The following MAP3K7CL variants were observed in gnomAD, a reference collection of about 807,000 sequenced individuals.
The protein encoded by MAP3K7CL is MAP3K7 C-terminal-like protein.
MAP3K7CL carries 16 observed loss-of-function variants against 18.6 expected under a neutral mutation model. That is an observed-to-expected ratio of 0.86 (90% CI 0.58 to 1.31). The LOEUF is 1.31. MAP3K7CL is among the 50% of genes most tolerant of loss of function. The pLI is 0.00. For missense variants in MAP3K7CL, 163 were observed against 174.4 expected (o/e 0.93, Z 0.37); for synonymous variants, 65 against 66.8 (o/e 0.97, Z 0.13).
intron 4 of MAP3K7CL, among the ~76,000 whole-genome samples, chr21:29,121,851 C>A (rs1024483304): frequency 3.3e-5 from 5 of 151,702 alleles, no homozygotes; most frequent in Admixed American, 3.3e-4. Context: ...GAGAGACCAA[C>A]ATTTATGAAC....
At chr21:29,109,461 T>C in intron 4 of MAP3K7CL, 2 of 1,177,700 alleles carry the variant, frequency 1.7e-6, no homozygotes, top group Non-Finnish European at 2.1e-6. Flanking sequence ...AAAACCCCCA[T>C]CTCAGCATTC....
upstream of MAP3K7CL, chr21:29,130,442 A>G (rs1601208174): frequency 3.4e-6 from 1 of 296,034 alleles, no homozygotes; most frequent in African/African-American, 2.3e-5. Flanking sequence ...GAGTCATGCT[A>G]TCTTTGCCAG....
intron 4 of MAP3K7CL, chr21:29,122,300 G>C (rs370809154): frequency 1.3e-5 from 2 of 152,204 alleles, no homozygotes; most frequent in Non-Finnish European, 2.9e-5. Flanking sequence ...ATCTGGGGGG[G>C]TACCCGTGAC....
At chr21:29,103,610 C>T (rs1383600560) in intron 4 of MAP3K7CL, among the ~76,000 whole-genome samples, 1 of 152,070 alleles carries the variant, frequency 6.6e-6, no homozygotes, top group African/African-American at 2.4e-5. Flanking sequence ...TGGCATGCTC[C>T]TGTAGTCCAG....
intron 1 of MAP3K7CL, among the ~76,000 whole-genome samples, chr21:29,091,316 T>A (rs1039966732): frequency 6.6e-6 from 1 of 152,218 alleles, no homozygotes; most frequent in Admixed American, 6.5e-5. Flanking sequence ...GTGTTCCCTC[T>A]AAGAGACTGT....
Position 29,161,562 on chromosome 21 carries a change from T to G in MAP3K7CL, c.248+1506T>G, listed in dbSNP as rs1010129142. ...ATTATTATTTTCATTAATATAGATA[T>G]GAAATTTCATAAAGGAATTAAAGAT... is the stretch of plus-strand genomic sequence containing the variant. On this transcript the variant is annotated intron_variant, in intron 4 of 4. Transcript: ENST00000399928. 2.6e-5 allele frequency among the ~76,000 whole-genome samples: 4 copies of G among 152,146 alleles called. 1 individual carries two copies. The highest frequency in any genetic ancestry group is 2.0e-4 in the Admixed American group (3 of 15,278).
chr21:29,169,144 G>T (rs2087762166), intron 4 of MAP3K7CL, among the ~76,000 whole-genome samples: 1 of 152,222 alleles, frequency 6.6e-6, no homozygotes, highest in Non-Finnish European at 1.5e-5. Context: ...CAACGCCAAT[G>T]TATAGACAGT....
At chr21:29,109,642 T>C in intron 4 of MAP3K7CL, 5 of 990,724 alleles carry the variant, frequency 5.0e-6, no homozygotes, top group Non-Finnish European at 6.0e-6. Context: ...TAATGATGAA[T>C]GTCTATAAGT....
chr21:29,093,161 C>T (rs910706124), intron 4 of MAP3K7CL, among the ~76,000 whole-genome samples: 1 of 152,232 alleles, frequency 6.6e-6, no homozygotes, highest in African/African-American at 2.4e-5. Context: ...GCCTCGTCCT[C>T]CCAAAGTGCT....
At chr21:29,122,532 G>C (rs1186559640) in intron 4 of MAP3K7CL, among the ~76,000 whole-genome samples, 1 of 152,206 alleles carries the variant, frequency 6.6e-6, no homozygotes, top group Non-Finnish European at 1.5e-5. Flanking sequence ...GCTGGAAAGG[G>C]GATGGAGCGG....
chr21:29,141,569 T>A (rs1409792507), intron 2 of MAP3K7CL, among the ~76,000 whole-genome samples: 1 of 152,176 alleles, frequency 6.6e-6, no homozygotes. Context: ...AGTCTCTTTT[T>A]TGCATAGCAA....
intron 2 of MAP3K7CL, among the ~76,000 whole-genome samples, chr21:29,137,426 C>T (rs943302077): frequency 6.6e-6 from 1 of 152,066 alleles, no homozygotes; most frequent in Non-Finnish European, 1.5e-5. Flanking sequence ...TCTGTGTCAC[C>T]CAGAGCAGTT....
At chr21:29,159,434 C>G (rs1012899788) in intron 3 of MAP3K7CL, among the ~76,000 whole-genome samples, 2 of 152,154 alleles carry the variant, frequency 1.3e-5, no homozygotes, top group Non-Finnish European at 2.9e-5. Flanking sequence ...TTATTTCTGG[C>G]TCAGCATCTT....
chr21:29,102,766 A>AATGCCTC (rs1271340050), intron 4 of MAP3K7CL: 1 of 152,234 alleles, frequency 6.6e-6, no homozygotes, highest in Non-Finnish European at 1.5e-5. Context: ...TAGGTCATAG[A>AATGCCTC]ATGCCTCATG....
intron 4 of MAP3K7CL, among the ~76,000 whole-genome samples, chr21:29,098,215 G>A (rs1029104106): frequency 1.4e-4 from 21 of 152,182 alleles, no homozygotes; most frequent in Non-Finnish European, 2.5e-4. Context: ...TCTTTGGAAT[G>A]AAATAAGCTA....
In MAP3K7CL at chr21:29,085,895, G is replaced by A. The variant is rs1601120308; in HGVS notation, c.35G>A (p.Trp12Ter). Residue 12 changes from tryptophan to a stop codon, truncating the protein, a stop_gained, in exon 1 of 7, where the codon TGG becomes TAG. Transcript: ENST00000286791. LOFTEE classifies it high-confidence loss of function. ...CTGATTGCACCTTTAGAAGTTATGT[G>A]GAACGAGGCAGCAGATCTTAAGGTA... 6.2e-7 allele frequency: 1 copy of A among 1,614,122 alleles called. No individual in the cohort carries two copies. Among genetic ancestry groups the A allele is most frequent in the Non-Finnish European group, 8.5e-7 (1 of 1,180,008 alleles).
chr21:29,085,947 G>A, intron 1 of MAP3K7CL: 3 of 1,612,730 alleles, frequency 1.9e-6, no homozygotes, highest in Non-Finnish European at 2.5e-6. Context: ...ACCCCTTCCT[G>A]TAAAACTGTC....
At chr21:29,147,198 A>G (rs1186523231) in intron 2 of MAP3K7CL, among the ~76,000 whole-genome samples, 1 of 152,050 alleles carries the variant, frequency 6.6e-6, no homozygotes, top group African/African-American at 2.4e-5. Flanking sequence ...GTATATGCAT[A>G]TGTGTACTGT....
intron 4 of MAP3K7CL, among the ~76,000 whole-genome samples, chr21:29,160,948 T>C (rs1389524271): frequency 6.6e-6 from 1 of 152,196 alleles, no homozygotes; most frequent in African/African-American, 2.4e-5. Flanking sequence ...TTCTTATATA[T>C]CACGTGTCAC....
Sources: allele counts gnomAD v4.1 joint callset (sites outside exome capture counted in the v4.1 genomes callset), GRCh38; gene constraint gnomAD v4.1.1; transcripts MANE v1.5; gene names NCBI Gene and HGNC (gene_info 2026-07-23, HGNC 2026-07-21).